The following PTPRK variants were observed in gnomAD, a reference collection of about 807,000 sequenced individuals.
PTPRK encodes the protein receptor-type tyrosine-protein phosphatase kappa.
PTPRK carries 75 observed loss-of-function variants against 178.0 expected under a neutral mutation model. The ratio of observed to expected loss-of-function variants is 0.42; its 90% CI spans 0.35 to 0.51. PTPRK has a LOEUF of 0.51. Among genes scored for constraint, PTPRK ranks in the 20% least tolerant of loss-of-function variants. PTPRK has a pLI of 0.02. For synonymous variants in PTPRK, 637 were observed against 620.6 expected, an observed-to-expected ratio of 1.03 and a Z score of -0.39; for missense variants, 1,441 against 1,797.8, an observed-to-expected ratio of 0.80 and a Z score of 3.59.
intron 25 of PTPRK, among the ~76,000 whole-genome samples, chr6:127,977,364 T>C (rs562271382): frequency 6.6e-6 from 1 of 152,326 alleles, no homozygotes; most frequent in African/African-American, 2.4e-5. Context: ...ACTAAAAAGC[T>C]TCTGAGGTTA....
chr6:128,213,940 A>G (rs1031222945), intron 6 of PTPRK, among the ~76,000 whole-genome samples: 1 of 152,120 alleles, frequency 6.6e-6, no homozygotes, highest in African/African-American at 2.4e-5. Context: ...CACTTCCTTT[A>G]TGCCAGCAAA....
intron 7 of PTPRK, among the ~76,000 whole-genome samples, chr6:128,179,599 A>G (rs1457113089): frequency 6.6e-6 from 1 of 152,054 alleles, no homozygotes; most frequent in Admixed American, 6.6e-5. Flanking sequence ...CATTGATATA[A>G]GCCAACAATT....
intron 1 of PTPRK, among the ~76,000 whole-genome samples, chr6:128,419,262 C>T (rs2128385573): frequency 6.6e-6 from 1 of 152,288 alleles, no homozygotes; most frequent in South Asian, 2.1e-4. Context: ...AAAATGGACA[C>T]TAAAAGGGGG....
intron 6 of PTPRK, among the ~76,000 whole-genome samples, chr6:128,188,078 G>A (rs577995135): frequency 1.7e-3 from 263 of 152,088 alleles, no homozygotes; most frequent in African/African-American, 6.0e-3. Flanking sequence ...AGTGAGGTGC[G>A]AATAAATCCC....
chr6:128,482,978 G>C (rs1381412210), intron 1 of PTPRK, among the ~76,000 whole-genome samples: 1 of 151,932 alleles, frequency 6.6e-6, no homozygotes, highest in East Asian at 1.9e-4. Context: ...TTCTTAGCTG[G>C]GCCAACTAAG....
chr6:128,125,908 G>C (rs929641335), intron 7 of PTPRK, among the ~76,000 whole-genome samples: 1 of 151,788 alleles, frequency 6.6e-6, no homozygotes, highest in Non-Finnish European at 1.5e-5. Flanking sequence ...GTGCCCAGTC[G>C]CCTTTGGGGT....
chr6:128,057,317 G>A (rs1221637483), intron 13 of PTPRK, among the ~76,000 whole-genome samples: 2 of 152,156 alleles, frequency 1.3e-5, no homozygotes, highest in African/African-American at 2.4e-5. Flanking sequence ...TGGAAAGGGC[G>A]GCTTGCAAAG....
chr6:128,210,326 C>T (rs1254786071), intron 6 of PTPRK, among the ~76,000 whole-genome samples: 1 of 149,340 alleles, frequency 6.7e-6, no homozygotes, highest in Non-Finnish European at 1.5e-5. Context: ...GTAGGCATTA[C>T]ATAAAGATCT....
rs182821396 is a variant in PTPRK at position 128,250,826 on chromosome 6, G to T, written c.496-8224C>A. On this transcript the variant is annotated intron_variant, in intron 3 of 29. Transcript: ENST00000368226. ...TATTCTATTTTCATCCATACATAAA[G>T]ATGAAGACACACATAACTGACAGGT... Among the ~76,000 whole-genome samples, 9 of 152,212 alleles carry T rather than the reference G, an allele frequency of 5.9e-5. No homozygotes were observed. In the East Asian group the frequency reaches 7.7e-4, roughly 13 times the overall value.
chr6:128,242,706 C>A, intron 3 of PTPRK, 104 bp from the exon 4 acceptor site: 2 of 1,436,440 alleles, frequency 1.4e-6, no homozygotes, highest in South Asian at 3.0e-5. Flanking sequence ...AATTTTTGTT[C>A]AGTAAGAATT....
intron 2 of PTPRK, among the ~76,000 whole-genome samples, chr6:128,381,002 A>AT (rs201506363): frequency 6.6e-4 from 100 of 151,852 alleles, no homozygotes; most frequent in African/African-American, 2.3e-3. Flanking sequence ...TTTTAAACCC[A>AT]TTTTTTTTCA....
intron 18 of PTPRK, among the ~76,000 whole-genome samples, chr6:127,993,548 TG>T (rs1776831619): frequency 6.6e-6 from 1 of 151,696 alleles, no homozygotes; most frequent in Non-Finnish European, 1.5e-5. Context: ...GTCCACATAC[TG>T]GTGTGGGCAA....
intron 7 of PTPRK, among the ~76,000 whole-genome samples, chr6:128,092,192 T>C (rs1159547017): frequency 6.6e-6 from 1 of 152,176 alleles, no homozygotes; most frequent in African/African-American, 2.4e-5. Context: ...TGGAAAGAAA[T>C]AGCTTTCTAA....
At chr6:128,312,872 T>A (rs1230626929) in intron 3 of PTPRK, among the ~76,000 whole-genome samples, 1 of 152,154 alleles carries the variant, frequency 6.6e-6, no homozygotes, top group African/African-American at 2.4e-5. Context: ...TTCTGAGCAT[T>A]CCATGAAGTA....
chr6:128,314,997 A>C (rs1239070958), intron 3 of PTPRK, among the ~76,000 whole-genome samples: 3 of 65,860 alleles, frequency 4.6e-5, no homozygotes, highest in Non-Finnish European at 1.1e-4. Context: ...GAGGGGGTTA[A>C]ATGAAAGAAA....
At chr6:128,294,751 C>A (rs189616194) in intron 3 of PTPRK, among the ~76,000 whole-genome samples, 8 of 152,050 alleles carry the variant, frequency 5.3e-5, no homozygotes, top group Admixed American at 2.6e-4. Flanking sequence ...GCTTTTTTAT[C>A]CACTTAAGGC....
intron 13 of PTPRK, among the ~76,000 whole-genome samples, chr6:128,011,215 A>G (rs1452521408): frequency 6.6e-6 from 1 of 151,198 alleles, no homozygotes; most frequent in African/African-American, 2.4e-5. Context: ...AATCTCTAGA[A>G]AAAAAGCTTT....
chr6:127,997,122 C>A, intron 16 of PTPRK, 134 bp from the exon 17 acceptor site: 2 of 838,196 alleles, frequency 2.4e-6, no homozygotes, highest in Non-Finnish European at 3.7e-6. Context: ...AAACAAGTTT[C>A]ATTCTCAGAC....
intron 5 of PTPRK, among the ~76,000 whole-genome samples, chr6:128,226,277 G>C (rs1225071031): frequency 6.6e-6 from 1 of 152,166 alleles, no homozygotes; most frequent in Non-Finnish European, 1.5e-5. Context: ...GCTGTGCAAA[G>C]GTATTCATAG....
Sources: allele counts gnomAD v4.1 joint callset (sites outside exome capture counted in the v4.1 genomes callset), GRCh38; gene constraint gnomAD v4.1.1; transcripts MANE v1.5; gene names NCBI Gene and HGNC (gene_info 2026-07-23, HGNC 2026-07-21).